Variants in RYR1 observed in about 807,000 individuals in gnomAD.
RYR1 encodes the protein ryanodine receptor 1.
Under a neutral mutation model 583.5 loss-of-function variants are expected in RYR1, and 342 were observed. The ratio of observed to expected loss-of-function variants is 0.59; its 90% CI spans 0.54 to 0.64. RYR1 has a LOEUF of 0.64. RYR1 is among the 30% of genes least tolerant of loss of function. RYR1 has a pLI of 0.00. For missense variants in RYR1, 6,032 were observed against 6,917.2 expected, an observed-to-expected ratio of 0.87 and a Z score of 4.54; for synonymous variants, 2,791 against 2,822.5, an observed-to-expected ratio of 0.99 and a Z score of 0.35.
rs754635109 is a variant in RYR1, at chr19:38,566,963, C to A, written c.13490C>A (p.Pro4497Gln). The change falls in exon 92 of 106, where the codon CCA becomes CAA. Residue 4497 changes from proline (P) to glutamine (Q), a missense_variant. By Grantham distance (76) the Pro-to-Gln change is moderately conservative. Around this residue, in one of 11 missense-constraint regions of RYR1, gnomAD observed 753 missense variants for 759.6 expected, o/e 0.99. Transcript: ENST00000359596. Reference sequence around the variant, plus strand: ...CCAGAGCCAGAGCCCGAGCCGGAACCAGAGCTGGAGCCGGAGAAAGCCGAG... The same window carrying A: ...CCAGAGCCAGAGCCCGAGCCGGAACAAGAGCTGGAGCCGGAGAAAGCCGAG... Reference protein sequence around the residue: ...LPPEPEPEPEPELEPEKADAE... With the variant: ...LPPEPEPEPEQELEPEKADAE... 1.9e-6 allele frequency: 3 copies of A among 1,603,724 alleles called. No individual in the cohort carries two copies. Among genetic ancestry groups the A allele is most frequent in the African/African-American group, 1.3e-5 (1 of 74,802 alleles).
At chr19:38,515,424 T>C (rs2145674551) in intron 64 of RYR1, among the ~76,000 whole-genome samples, 1 of 152,288 alleles carries the variant, frequency 6.6e-6, no homozygotes, top group East Asian at 1.9e-4. Flanking sequence ...AGTGGCCATG[T>C]GACCGCTTCT....
intron 39 of RYR1, among the ~76,000 whole-genome samples, chr19:38,495,983 G>C (rs1368542236): frequency 1.3e-5 from 2 of 151,976 alleles, no homozygotes; most frequent in Non-Finnish European, 2.9e-5. Context: ...GGCTGATCTC[G>C]ATCTCCTGAC....
rs927760981 is a variant in RYR1 at position 38,526,248 on chromosome 19, C to A, written c.10627-745C>A. Among the ~76,000 whole-genome samples, 5 of 152,128 alleles carry A rather than the reference C, an allele frequency of 3.3e-5. 1 individual carries two copies. In the South Asian group the frequency reaches 1.0e-3, roughly 32 times the overall value. On this transcript the variant is annotated intron_variant, in intron 71 of 105. Coordinates refer to ENST00000359596, the MANE Select transcript of RYR1 (RefSeq NM_000540.3). ...CCCACTTACCCCTTGTGTGGGACAA[C>A]AAGGACAATCTCCCTCCTCTCCGAT...
At position 38,512,367 on chromosome 19, in the gene RYR1, G is replaced by T. The variant is rs193922833; in HGVS notation, c.9356G>T (p.Arg3119Leu). ...CGGCTGGGCAAGGTGTCGCAGGCGC[G>T]CACCCAGGTGAAAGGCGTGGGCCAG... ...NLRLGKVSQA[R>L]TQVKGVGQNL... Residue 3119 changes from arginine to leucine, a missense_variant, in exon 63 of 106, where the codon CGC becomes CTC. This residue lies in a region of RYR1 where 1,493 missense variants were observed against 1,715.5 expected (regional missense o/e 0.87). Transcript: ENST00000359596. This position sits in a 1 kb window ranked among gnomAD's most constrained non-coding sequence, Gnocchi z 5.1. 3 of 1,613,904 alleles carry T rather than the reference G, an allele frequency of 1.9e-6. No homozygotes were observed. Among genetic ancestry groups the T allele is most frequent in the Admixed American group, 1.7e-5 (1 of 60,012 alleles).
At chr19:38,489,494 C>G in intron 35 of RYR1, 51 bp downstream of exon 35, 2 of 1,608,422 alleles carry the variant, frequency 1.2e-6, no homozygotes, top group African/African-American at 1.3e-5. Flanking sequence ...GGCTGGGAGA[C>G]ACAGGGTAGG....
In RYR1 at chr19:38,565,084, C is replaced by A. The variant is rs113553675; in HGVS notation, c.12750C>A (p.Ile4250=). 13 of 1,555,430 alleles carry A rather than the reference C, an allele frequency of 8.4e-6. No individual in the cohort carries two copies. The Admixed American group carries it at 2.3e-4, about 28-fold the overall frequency. Residue 4250 remains isoleucine, a synonymous_variant, in exon 91 of 106, where the codon ATC becomes ATA. Coordinates refer to ENST00000359596, the MANE Select transcript of RYR1 (RefSeq NM_000540.3). The surrounding 1 kb of genome is among the most constrained non-coding windows in gnomAD (Gnocchi z 4.7). ...TCGAGATGCAGATCGCCGCGCAGATCTCGGAGCCCGAGGGCGAGCCGGAGA... is the reference window on the plus strand; with the variant it reads ...TCGAGATGCAGATCGCCGCGCAGATATCGGAGCCCGAGGGCGAGCCGGAGA... ...TIFEMQIAAQ[I]SEPEGEPETD...
At position 38,478,028 on chromosome 19, in the gene RYR1, CCCT is replaced by C. The variant is rs999146013; in HGVS notation, c.4454+166_4454+168del. ...CACTGGGCACCCAGCTCGGAAGCTTCCCTCCTCCTCTTTTTCCTCCTCTCTTCC... is the reference window on the plus strand; with the variant it reads ...CACTGGGCACCCAGCTCGGAAGCTTCCCTCCTCTTTTTCCTCCTCTCTTCC... On this transcript the variant is annotated intron_variant, in intron 30 of 105. Coordinates refer to ENST00000359596, the MANE Select transcript of RYR1 (RefSeq NM_000540.3). 4.0e-4 allele frequency among the ~76,000 whole-genome samples: 61 copies of C among 151,778 alleles called. 1 individual carries two copies. Among genetic ancestry groups the C allele is most frequent in the Non-Finnish European group, 5.3e-4 (36 of 67,924 alleles).
intron 101 of RYR1, 121 bp downstream of exon 101, chr19:38,580,625 C>G: frequency 8.2e-7 from 1 of 1,220,514 alleles, no homozygotes; most frequent in Non-Finnish European, 1.2e-6. Flanking sequence ...GTCGGGAGGC[C>G]GAGGCGGGAC....
chr19:38,492,474 T>G lies in RYR1; in HGVS notation c.6128-16T>G, dbSNP rs1166663916. On this transcript the variant is annotated splice_polypyrimidine_tract_variant and intron_variant, in intron 37 of 105. Coordinates refer to ENST00000359596, the MANE Select transcript of RYR1 (RefSeq NM_000540.3). ...AACTAATGAATGACATTTCCCGCCT[T>G]CTTGACCACTTCCAGGAATTCAGCT... 1 of 1,613,990 alleles carries G rather than the reference T, an allele frequency of 6.2e-7. No individual in the cohort carries two copies. Among genetic ancestry groups the G allele is most frequent in the East Asian group, 2.2e-5 (1 of 44,870 alleles).
intron 48 of RYR1, 24 bp downstream of exon 48, chr19:38,502,751 T>TTGGGGCAGGGGCA (rs1970202412): frequency 9.6e-7 from 1 of 1,042,186 alleles, no homozygotes; most frequent in Non-Finnish European, 1.3e-6. Flanking sequence ...GGCTTCAGGG[T>TTGGGGCAGGGGCA]GGGGCAGGGG....
rs62119053 is a variant in RYR1, at chr19:38,543,785, G to T, written c.11922G>T (p.Gly3974=). 6.2e-7 allele frequency: 1 copy of T among 1,613,496 alleles called. No homozygotes were observed. Residue 3974 remains glycine, a synonymous_variant, in exon 87 of 106, where the codon GGG becomes GGT. Transcript: ENST00000359596. This position sits in a 1 kb window ranked among gnomAD's most constrained non-coding sequence, Gnocchi z 4.4. Reference sequence around the variant, plus strand: ...CTGCCTCCCAGGGTCCCTGCACCGGGAACCAGCAGAGCCTGGCGCACAGTC... The same window carrying T: ...CTGCCTCCCAGGGTCCCTGCACCGGTAACCAGCAGAGCCTGGCGCACAGTC... ...LTEYIQGPCT[G]NQQSLAHSRL...
At chr19:38,535,973 C>G (rs1319165792) in intron 81 of RYR1, 24 bp from the exon 82 acceptor site, 1 of 1,610,148 alleles carries the variant, frequency 6.2e-7, no homozygotes, top group African/African-American at 1.3e-5. Flanking sequence ...CACATACCCC[C>G]TATCTTTCCT....
chr19:38,460,546 C>A lies in RYR1; in HGVS notation c.2532C>A (p.Cys844Ter). The A allele has an allele frequency of 6.2e-7, 1 of 1,613,900 alleles. No homozygotes were observed. Among genetic ancestry groups the A allele is most frequent in the African/African-American group, 1.3e-5 (1 of 75,074 alleles). Residue 844 changes from cysteine (C) to a stop codon, truncating the protein, a stop_gained, in exon 20 of 106, where the codon TGC (cysteine) becomes TGA (stop). Coordinates refer to ENST00000359596, the MANE Select transcript of RYR1 (RefSeq NM_000540.3). LOFTEE classifies it high-confidence loss of function. ...CTCACCTGGTGGGCCCCAGTCGCTGCCTCTCACACACCGACTTCGTGCCCT... is the reference window on the plus strand; with the variant it reads ...CTCACCTGGTGGGCCCCAGTCGCTGACTCTCACACACCGACTTCGTGCCCT... Reference protein sequence around the residue: ...RGPHLVGPSRCLSHTDFVPCP... With the variant: ...RGPHLVGPSR
intron 42 of RYR1, among the ~76,000 whole-genome samples, chr19:38,497,166 C>T (rs79172185): frequency 1.1e-3 from 166 of 152,076 alleles, no homozygotes; most frequent in South Asian, 2.1e-3. Context: ...CCGCACTCCA[C>T]GCTTCCCGTC....
chr19:38,495,320 T>C (rs1969767394), intron 39 of RYR1, among the ~76,000 whole-genome samples: 1 of 152,078 alleles, frequency 6.6e-6, no homozygotes, highest in Non-Finnish European at 1.5e-5. Context: ...ACAGTAAACA[T>C]TTATTAAGCA....
intron 50 of RYR1, 87 bp from the exon 51 acceptor site, chr19:38,504,661 T>C: frequency 6.4e-7 from 1 of 1,552,720 alleles, no homozygotes; most frequent in Non-Finnish European, 8.9e-7. Context: ...GGAGGAGGGC[T>C]GATGATTGCA....
At chr19:38,576,186 G>T (rs1197781901) in intron 97 of RYR1, among the ~76,000 whole-genome samples, 1 of 152,274 alleles carries the variant, frequency 6.6e-6, no homozygotes, top group Non-Finnish European at 1.5e-5. Flanking sequence ...AAGCGTGGTG[G>T]CTCACGCCTG....
At chr19:38,569,324 T>C (rs1973607271) in intron 93 of RYR1, among the ~76,000 whole-genome samples, 1 of 152,112 alleles carries the variant, frequency 6.6e-6, no homozygotes, top group Non-Finnish European at 1.5e-5. Flanking sequence ...TTTAATCTTT[T>C]TTTTTTTTTA....
intron 104 of RYR1, 47 bp downstream of exon 104, chr19:38,586,238 C>T: frequency 6.5e-7 from 1 of 1,537,326 alleles, no homozygotes; most frequent in Non-Finnish European, 9.0e-7. Flanking sequence ...GCATGGCTGC[C>T]AATAGCCAGC....
Sources: allele counts gnomAD v4.1 joint callset (sites outside exome capture counted in the v4.1 genomes callset), GRCh38; gene constraint gnomAD v4.1.1; regional missense constraint gnomAD v4.1.1; non-coding constraint Gnocchi (gnomAD v3.1); transcripts MANE v1.5; gene names NCBI Gene and HGNC (gene_info 2026-07-23, HGNC 2026-07-21).